Variants in CDK14 observed in about 807,000 individuals in gnomAD.
CDK14 encodes the protein cyclin-dependent kinase 14.
CDK14 carries 34 observed loss-of-function variants against 60.7 expected under a neutral mutation model. The observed-to-expected ratio is 0.56, with a 90% confidence interval of 0.43 to 0.75. CDK14 has a LOEUF of 0.75. Among genes scored for constraint, CDK14 ranks in the 30% least tolerant of loss-of-function variants. The pLI, the probability that CDK14 is intolerant of heterozygous loss-of-function variation, is 0.00. For synonymous variants in CDK14, 197 were observed against 203.7 expected (o/e 0.97, Z 0.28); for missense variants, 482 against 564.1 (o/e 0.85, Z 1.47).
intron 14 of CDK14, among the ~76,000 whole-genome samples, chr7:91,186,434 A>G (rs1167664999): frequency 6.6e-6 from 1 of 151,212 alleles, no homozygotes; most frequent in Non-Finnish European, 1.5e-5. Context: ...TGCTATGAAC[A>G]TTAAAGTGGC....
intron 5 of CDK14, among the ~76,000 whole-genome samples, chr7:90,792,659 C>T (rs1584897502): frequency 1.3e-5 from 2 of 152,144 alleles, no homozygotes; most frequent in South Asian, 2.1e-4. Context: ...TCCACTGCCA[C>T]CCCTAGTCCA....
chr7:91,063,796 A>G (rs1235487242), intron 11 of CDK14, among the ~76,000 whole-genome samples: 1 of 152,310 alleles, frequency 6.6e-6, no homozygotes, highest in East Asian at 1.9e-4. Context: ...TCTATATACC[A>G]TATGTCTCCT....
At position 91,048,836 on chromosome 7, in the gene CDK14, C is replaced by T. The variant is rs1405049659; in HGVS notation, c.1105+2876C>T. On this transcript the variant is annotated intron_variant, in intron 11 of 14. Coordinates refer to ENST00000380050, the MANE Select transcript of CDK14 (RefSeq NM_001287135.2). ...TTCTTTTTATCTTTTGGCCAATTTA[C>T]AGTTGAGTTGTGTTTTTTTAAACCT... 2.0e-5 allele frequency among the ~76,000 whole-genome samples: 3 copies of T among 152,128 alleles called. No individual in the cohort carries two copies. The East Asian group carries it at 5.8e-4, about 29-fold the overall frequency.
At chr7:90,844,463 G>T (rs1790396175) in intron 5 of CDK14, among the ~76,000 whole-genome samples, 1 of 152,160 alleles carries the variant, frequency 6.6e-6, no homozygotes, top group Non-Finnish European at 1.5e-5. Context: ...GAGTCATGAG[G>T]TAGGACTTCT....
intron 14 of CDK14, among the ~76,000 whole-genome samples, chr7:91,139,777 TTTTCTTTCC>T (rs1358994001): frequency 1.1e-5 from 1 of 95,122 alleles, no homozygotes; most frequent in Non-Finnish European, 2.5e-5. Context: ...TCTTTTCTTT[TTTTCTTTCC>T]TTTCTTTCTT....
At chr7:90,797,536 T>C (rs901266040) in intron 5 of CDK14, among the ~76,000 whole-genome samples, 1 of 151,972 alleles carries the variant, frequency 6.6e-6, no homozygotes, top group African/African-American at 2.4e-5. Flanking sequence ...CTTAATGGCT[T>C]TGGGCCTTAG....
intron 14 of CDK14, among the ~76,000 whole-genome samples, chr7:91,144,767 C>T (rs1037279998): frequency 3.3e-5 from 5 of 151,942 alleles, no homozygotes; most frequent in Admixed American, 6.6e-5. Context: ...TAGATATTGG[C>T]GGGCTTGGAA....
At chr7:91,124,186 C>A (rs1799870624) in intron 14 of CDK14, among the ~76,000 whole-genome samples, 1 of 152,152 alleles carries the variant, frequency 6.6e-6, no homozygotes, top group Non-Finnish European at 1.5e-5. Context: ...CTATGCCCAG[C>A]CTTCAAGCAT....
At chr7:90,686,338 G>C (rs2116574045) in intron 2 of CDK14, among the ~76,000 whole-genome samples, 1 of 152,186 alleles carries the variant, frequency 6.6e-6, no homozygotes, top group South Asian at 2.1e-4. Context: ...AGATTTTACA[G>C]TGCCTCTCAA....
chr7:91,006,066 G>A (rs1315860920), intron 10 of CDK14, among the ~76,000 whole-genome samples: 3 of 152,234 alleles, frequency 2.0e-5, no homozygotes, highest in African/African-American at 7.2e-5. Context: ...AGCCATCCAC[G>A]TGGGTGGACA....
At chr7:91,112,764 A>G in intron 13 of CDK14, 83 bp downstream of exon 13, 5 of 1,408,960 alleles carry the variant, frequency 3.5e-6, no homozygotes, top group Non-Finnish European at 4.9e-6. Flanking sequence ...GTATGCAGAG[A>G]TTCACATATT....
chr7:90,978,949 C>A, intron 9 of CDK14, among the ~76,000 whole-genome samples: 1 of 151,840 alleles, frequency 6.6e-6, no homozygotes, highest in East Asian at 1.9e-4. Flanking sequence ...ATGACTTTTT[C>A]TATTATTGTG....
chr7:90,914,174 A>G (rs1256258242), intron 7 of CDK14, among the ~76,000 whole-genome samples: 4 of 152,094 alleles, frequency 2.6e-5, no homozygotes, highest in African/African-American at 9.7e-5. Context: ...TAACATTTTA[A>G]CTTCTGTGTC....
At chr7:90,888,400 G>A (rs756828719) in intron 6 of CDK14, among the ~76,000 whole-genome samples, 11 of 151,866 alleles carry the variant, frequency 7.2e-5, no homozygotes, top group African/African-American at 1.2e-4. Flanking sequence ...ATTACAATAC[G>A]GTTCAGTTTT....
At chr7:91,125,319 C>A (rs1012427587) in intron 14 of CDK14, among the ~76,000 whole-genome samples, 6 of 152,012 alleles carry the variant, frequency 3.9e-5, no homozygotes, top group Non-Finnish European at 8.8e-5. Context: ...AGACAGATAG[C>A]AAATGTAATG....
At chr7:90,641,373 C>T (rs1200431101) in intron 2 of CDK14, among the ~76,000 whole-genome samples, 1 of 152,094 alleles carries the variant, frequency 6.6e-6, no homozygotes, top group Non-Finnish European at 1.5e-5. Flanking sequence ...TGGGAACAAT[C>T]CCAATGTCCA....
chr7:90,790,701 G>T (rs149116202), intron 5 of CDK14, 49 bp downstream of exon 5: 1 of 1,237,944 alleles, frequency 8.1e-7, no homozygotes, highest in African/African-American at 1.5e-5. Flanking sequence ...TATGGTCCCC[G>T]TAGCTATTTT....
At chr7:90,868,343 G>T (rs1791255759) in intron 6 of CDK14, among the ~76,000 whole-genome samples, 1 of 150,720 alleles carries the variant, frequency 6.6e-6, no homozygotes, top group African/African-American at 2.4e-5. Context: ...ACACATTAAT[G>T]GAGTAATGGA....
At chr7:91,035,340 C>T (rs568442827) in intron 10 of CDK14, among the ~76,000 whole-genome samples, 2 of 152,238 alleles carry the variant, frequency 1.3e-5, no homozygotes, top group African/African-American at 4.8e-5. Context: ...TTAATTCTGC[C>T]TAAACCTCAT....
Sources: gnomAD v4.1 joint callset for allele counts (sites outside exome capture counted in the v4.1 genomes callset) on GRCh38, gnomAD v4.1.1 for gene constraint, MANE v1.5 for transcripts, NCBI Gene and HGNC (gene_info 2026-07-23, HGNC 2026-07-21) for gene names.